SIPA1L1: variants seen among roughly 807,000 people sequenced by gnomAD.
SIPA1L1 encodes the protein signal induced proliferation associated 1 like 1, also known as signal-induced proliferation-associated 1-like protein 1.
In SIPA1L1, 26 loss-of-function variants were observed where a neutral mutation model predicts 162.7. The observed-to-expected ratio is 0.16, with a 90% CI of 0.12 to 0.22. The LOEUF (loss-of-function observed/expected upper bound fraction) is 0.22, where lower values mean the gene tolerates loss of function less well. SIPA1L1 is among the 10% of genes least tolerant of loss of function. SIPA1L1 has a pLI of 1.00. For missense variants in SIPA1L1, 1,874 were observed against 2,241.0 expected (o/e 0.84, Z 3.31); for synonymous variants, 829 against 837.4 (o/e 0.99, Z 0.17).
At chr14:71,344,217 T>C (rs1367038166) in intron 2 of SIPA1L1, among the ~76,000 whole-genome samples, 1 of 152,242 alleles carries the variant, frequency 6.6e-6, no homozygotes, top group Non-Finnish European at 1.5e-5. Flanking sequence ...GTGTTTCATA[T>C]TAAGTGGTAG....
chr14:71,731,555 C>T (rs561228191), intron 20 of SIPA1L1, among the ~76,000 whole-genome samples: 7 of 152,312 alleles, frequency 4.6e-5, no homozygotes, highest in African/African-American at 1.4e-4. Flanking sequence ...ATTATTCCTG[C>T]CTTACTTTGA....
At chr14:71,730,977 C>T (rs953599725) in intron 20 of SIPA1L1, among the ~76,000 whole-genome samples, 3 of 152,096 alleles carry the variant, frequency 2.0e-5, no homozygotes, top group Non-Finnish European at 1.5e-5. Flanking sequence ...CAGGGCTCTA[C>T]ACCTCCCCTC....
At chr14:71,324,040 T>C (rs1340981720) in intron 2 of SIPA1L1, among the ~76,000 whole-genome samples, 4 of 152,206 alleles carry the variant, frequency 2.6e-5, no homozygotes, top group Non-Finnish European at 5.9e-5. Flanking sequence ...TTGTGAGATA[T>C]TGAAAAATAA....
rs535110844 is a variant in SIPA1L1, at chr14:71,361,019, A to T, written c.-465+39838A>T. On this transcript the variant is annotated intron_variant, in intron 2 of 23. Transcript: ENST00000381232. The stretch of plus-strand genomic sequence containing the variant: ...TGATTTGTATATATAGTTTATATAT[A>T]TTTTTTTTTCCTGAGGATAAAATTA... Among the ~76,000 whole-genome samples the T allele has an allele frequency of 1.1e-4, 16 of 151,500 alleles. 1 individual carries two copies. In the East Asian group the frequency reaches 2.9e-3, roughly 27 times the overall value.
intron 16 of SIPA1L1, among the ~76,000 whole-genome samples, chr14:71,706,446 A>T (rs990490026): frequency 4.6e-5 from 7 of 152,214 alleles, no homozygotes; most frequent in Non-Finnish European, 8.8e-5. Flanking sequence ...TAGAAAATTT[A>T]AAATTACATA....
At chr14:71,460,307 A>G (rs1432715748) in intron 2 of SIPA1L1, among the ~76,000 whole-genome samples, 4 of 152,164 alleles carry the variant, frequency 2.6e-5, no homozygotes, top group Admixed American at 6.5e-5. Flanking sequence ...GGAGTGACCC[A>G]AATCTTCATT....
intron 2 of SIPA1L1, among the ~76,000 whole-genome samples, chr14:71,485,275 A>G (rs2048658506): frequency 6.6e-6 from 1 of 152,224 alleles, no homozygotes; most frequent in South Asian, 2.1e-4. Context: ...TCATTTAGAG[A>G]AGGGGTCTCC....
At chr14:71,440,073 T>G (rs2044711750) in intron 2 of SIPA1L1, among the ~76,000 whole-genome samples, 1 of 152,190 alleles carries the variant, frequency 6.6e-6, no homozygotes, top group Non-Finnish European at 1.5e-5. Flanking sequence ...CTGTGTTGCC[T>G]AAGCTGGAGT....
intron 19 of SIPA1L1, among the ~76,000 whole-genome samples, chr14:71,726,264 T>G (rs2084237755): frequency 6.6e-6 from 1 of 152,254 alleles, no homozygotes; most frequent in Non-Finnish European, 1.5e-5. Context: ...GACTCATCAT[T>G]CAGGGCACAA....
intron 4 of SIPA1L1, among the ~76,000 whole-genome samples, chr14:71,578,488 G>C (rs901367420): frequency 7.2e-5 from 11 of 152,188 alleles, no homozygotes; most frequent in African/African-American, 2.7e-4. Flanking sequence ...TTGAATATTT[G>C]AGTATAACTT....
At chr14:71,363,367 C>G (rs1360102437) in intron 2 of SIPA1L1, among the ~76,000 whole-genome samples, 3 of 152,120 alleles carry the variant, frequency 2.0e-5, no homozygotes, top group Non-Finnish European at 4.4e-5. Flanking sequence ...CTATGCCAAA[C>G]AAAGACAGAA....
At chr14:71,441,218 C>G (rs2141221202) in intron 2 of SIPA1L1, among the ~76,000 whole-genome samples, 1 of 152,292 alleles carries the variant, frequency 6.6e-6, no homozygotes, top group South Asian at 2.1e-4. Flanking sequence ...TACACAGCCT[C>G]TTAAGTCTGC....
intron 13 of SIPA1L1, among the ~76,000 whole-genome samples, chr14:71,695,976 A>G (rs543351732): frequency 3.9e-5 from 6 of 152,336 alleles, no homozygotes; most frequent in Middle Eastern, 3.4e-3. Flanking sequence ...TAGAATAATA[A>G]TGAGAAATTT....
At chr14:71,599,144 A>ATTTT (rs1168028882) in intron 5 of SIPA1L1, among the ~76,000 whole-genome samples, 1 of 88,752 alleles carries the variant, frequency 1.1e-5, no homozygotes, top group Admixed American at 1.4e-4. Flanking sequence ...ACATGATTTC[A>ATTTT]TTCTTTTTTT....
At chr14:71,640,546 A>T (rs555342595) in intron 7 of SIPA1L1, among the ~76,000 whole-genome samples, 1 of 152,358 alleles carries the variant, frequency 6.6e-6, no homozygotes, top group African/African-American at 2.4e-5. Flanking sequence ...CAGAGCTTGT[A>T]TAGGGCTTTG....
chr14:71,602,273 T>C (rs193279487), intron 5 of SIPA1L1, among the ~76,000 whole-genome samples: 2 of 152,324 alleles, frequency 1.3e-5, no homozygotes, highest in East Asian at 3.9e-4. Flanking sequence ...TTTCATTTGC[T>C]TCAAGAAATT....
chr14:71,337,495 G>A (rs1274844937), intron 2 of SIPA1L1, among the ~76,000 whole-genome samples: 2 of 152,078 alleles, frequency 1.3e-5, no homozygotes, highest in African/African-American at 4.8e-5. Flanking sequence ...GCAAAGTTAC[G>A]TCTTACATGG....
intron 6 of SIPA1L1, among the ~76,000 whole-genome samples, chr14:71,621,857 C>T (rs773401890): frequency 5.3e-5 from 8 of 151,968 alleles, no homozygotes; most frequent in East Asian, 1.9e-4. Flanking sequence ...TCCTTCCTCC[C>T]GCTAATATTT....
intron 17 of SIPA1L1, among the ~76,000 whole-genome samples, chr14:71,721,019 T>C (rs968754090): frequency 6.6e-6 from 1 of 152,172 alleles, no homozygotes; most frequent in African/African-American, 2.4e-5. Context: ...TTCATCAGTG[T>C]CTGAGCATTG....
Sources: allele counts gnomAD v4.1 joint callset (sites outside exome capture counted in the v4.1 genomes callset), GRCh38; gene constraint gnomAD v4.1.1; transcripts MANE v1.5; gene names NCBI Gene and HGNC (gene_info 2026-07-23, HGNC 2026-07-21).